DTNBP1: variants seen among roughly 807,000 people sequenced by gnomAD.
DTNBP1 encodes dysbindin.
A neutral mutation model predicts 42.8 loss-of-function variants in DTNBP1; 35 were observed. The ratio of observed to expected loss-of-function variants is 0.82; its 90% CI spans 0.63 to 1.09. The LOEUF is 1.09. Among genes scored for constraint, DTNBP1 ranks in the 50% least tolerant of loss-of-function variants. The pLI is 0.00. For missense variants in DTNBP1, 457 were observed against 424.2 expected (o/e 1.08, Z -0.68); for synonymous variants, 171 against 162.2 (o/e 1.05, Z -0.41).
chr6:15,642,820 T>C (rs1480694627), intron 3 of DTNBP1, among the ~76,000 whole-genome samples: 2 of 152,020 alleles, frequency 1.3e-5, no homozygotes, highest in African/African-American at 4.8e-5. Context: ...AAAAGTCACA[T>C]CCAAATGATG....
intron 4 of DTNBP1, among the ~76,000 whole-genome samples, chr6:15,633,801 AAAC>A (rs1055441237): frequency 1.8e-4 from 28 of 152,112 alleles, no homozygotes; most frequent in African/African-American, 6.3e-4. Context: ...CATTAAAAAA[AAAC>A]AAACAAAACT....
intron 7 of DTNBP1, among the ~76,000 whole-genome samples, chr6:15,567,700 CA>C (rs1775157535): frequency 1.3e-5 from 2 of 152,176 alleles, no homozygotes; most frequent in African/African-American, 4.8e-5. Flanking sequence ...TGTATAAAAT[CA>C]AGCTGTAAGC....
intron 7 of DTNBP1, among the ~76,000 whole-genome samples, chr6:15,589,196 C>T (rs138815845): frequency 6.2e-4 from 95 of 152,346 alleles, no homozygotes; most frequent in African/African-American, 1.9e-3. Flanking sequence ...GCCACATCCA[C>T]GAGTCATCCA....
At chr6:15,655,225 G>A (rs1293652307) in intron 1 of DTNBP1, among the ~76,000 whole-genome samples, 2 of 151,906 alleles carry the variant, frequency 1.3e-5, no homozygotes, top group East Asian at 1.9e-4. Flanking sequence ...GGCCTTAAGC[G>A]ATCCTCCCAC....
chr6:15,616,945 T>C (rs568210087), intron 5 of DTNBP1, among the ~76,000 whole-genome samples: 1 of 152,210 alleles, frequency 6.6e-6, no homozygotes, highest in South Asian at 2.1e-4. Context: ...ACAAAATCAA[T>C]ACACAAAAAT....
intron 4 of DTNBP1, 70 bp from the exon 5 acceptor site, chr6:15,627,545 T>A: frequency 1.9e-6 from 3 of 1,595,686 alleles, no homozygotes; most frequent in Non-Finnish European, 2.6e-6. Context: ...GTTAACGTAA[T>A]GAGATTTAAT....
chr6:15,575,649 T>C (rs1176670934), intron 7 of DTNBP1, among the ~76,000 whole-genome samples: 2 of 152,314 alleles, frequency 1.3e-5, no homozygotes, highest in East Asian at 1.9e-4. Flanking sequence ...TTGAGTTTTA[T>C]GAGAAAAACA....
chr6:15,602,367 G>A (rs1776764068), intron 6 of DTNBP1, among the ~76,000 whole-genome samples: 1 of 152,198 alleles, frequency 6.6e-6, no homozygotes, highest in Admixed American at 6.5e-5. Flanking sequence ...CGATGTCAGA[G>A]CAGGTATGGC....
intron 7 of DTNBP1, among the ~76,000 whole-genome samples, chr6:15,577,921 C>T (rs542905073): frequency 8.5e-5 from 13 of 152,308 alleles, no homozygotes; most frequent in Admixed American, 8.5e-4. Flanking sequence ...TTGTAGCCAA[C>T]ATAATTTGGG....
intron 6 of DTNBP1, among the ~76,000 whole-genome samples, chr6:15,608,552 A>C (rs565632479): frequency 6.6e-6 from 1 of 152,226 alleles, no homozygotes; most frequent in Non-Finnish European, 1.5e-5. Flanking sequence ...TCTTCTGAAC[A>C]GAATGAATCC....
intron 8 of DTNBP1, among the ~76,000 whole-genome samples, chr6:15,531,969 C>T (rs1007740493): frequency 6.6e-6 from 1 of 152,174 alleles, no homozygotes; most frequent in African/African-American, 2.4e-5. Flanking sequence ...TTGGAGGGGA[C>T]ACAGAACTGG....
At chr6:15,545,923 G>T in intron 7 of DTNBP1, 1 of 362,142 alleles carries the variant, frequency 2.8e-6, no homozygotes, top group African/African-American at 2.1e-5. Flanking sequence ...TAGAAGACCG[G>T]GGTCTGACTG....
At chr6:15,646,284 C>T (rs1373025271) in intron 3 of DTNBP1, among the ~76,000 whole-genome samples, 3 of 139,096 alleles carry the variant, frequency 2.2e-5, no homozygotes, top group African/African-American at 5.5e-5. Context: ...CACACACACA[C>T]ACATATACAA....
chr6:15,618,908 A>G (rs568330279), intron 5 of DTNBP1, among the ~76,000 whole-genome samples: 92 of 152,348 alleles, frequency 6.0e-4, no homozygotes, highest in African/African-American at 2.1e-3. Context: ...AAAAAGATTT[A>G]AGTACTATCA....
intron 1 of DTNBP1, 139 bp downstream of exon 1, chr6:15,662,675 T>C (rs1761717390): frequency 3.9e-6 from 5 of 1,281,140 alleles, no homozygotes; most frequent in South Asian, 1.2e-5. Context: ...GTTCGTTACT[T>C]TCCTCGGCGG....
chr6:15,599,923 T>C (rs999297606), intron 6 of DTNBP1, among the ~76,000 whole-genome samples: 1 of 152,294 alleles, frequency 6.6e-6, no homozygotes, highest in African/African-American at 2.4e-5. Context: ...CATCCTACCA[T>C]TAATTATCAC....
intron 1 of DTNBP1, among the ~76,000 whole-genome samples, chr6:15,656,749 G>A (rs1761305205): frequency 6.6e-6 from 1 of 151,908 alleles, no homozygotes; most frequent in Admixed American, 6.6e-5. Flanking sequence ...CCCTGTCTCA[G>A]AGAAAAAAAG....
At chr6:15,547,493 A>G (rs1045354893) in intron 7 of DTNBP1, among the ~76,000 whole-genome samples, 2 of 152,250 alleles carry the variant, frequency 1.3e-5, no homozygotes, top group African/African-American at 4.8e-5. Context: ...AAATATTTAT[A>G]CAATGGGAAA....
At chr6:15,657,501 T>C (rs535314278) in intron 1 of DTNBP1, among the ~76,000 whole-genome samples, 1 of 152,246 alleles carries the variant, frequency 6.6e-6, no homozygotes, top group African/African-American at 2.4e-5. Flanking sequence ...CATTACAGCC[T>C]CCTAAATAAT....
Sources: gnomAD v4.1 joint callset for allele counts (sites outside exome capture counted in the v4.1 genomes callset) on GRCh38, gnomAD v4.1.1 for gene constraint, MANE v1.5 for transcripts, NCBI Gene and HGNC (gene_info 2026-07-23, HGNC 2026-07-21) for gene names.